PTPRK: variants seen among roughly 807,000 people sequenced by gnomAD.
The protein encoded by PTPRK is receptor-type tyrosine-protein phosphatase kappa.
A neutral mutation model predicts 178.0 loss-of-function variants in PTPRK; 75 were observed. The observed-to-expected ratio is 0.42, with a 90% confidence interval of 0.35 to 0.51. The LOEUF is 0.51. Among genes scored for constraint, PTPRK ranks in the 20% least tolerant of loss-of-function variants. The pLI is 0.02. For missense variants in PTPRK, 1,441 were observed against 1,797.8 expected, an observed-to-expected ratio of 0.80 and a Z score of 3.59; for synonymous variants, 637 against 620.6, an observed-to-expected ratio of 1.03 and a Z score of -0.39.
intron 1 of PTPRK, among the ~76,000 whole-genome samples, chr6:128,417,879 C>T (rs1584618568): frequency 6.6e-6 from 1 of 152,312 alleles, no homozygotes; most frequent in South Asian, 2.1e-4. Flanking sequence ...CAGACACATT[C>T]TTGGCAACCA....
At chr6:128,008,075 C>G (rs1006044812) in intron 14 of PTPRK, 2 of 1,348,108 alleles carry the variant, frequency 1.5e-6, no homozygotes, top group Non-Finnish European at 2.0e-6. Flanking sequence ...TGTGTCTTCT[C>G]CAACATATAT....
At chr6:128,048,180 T>C (rs1309160241) in intron 13 of PTPRK, among the ~76,000 whole-genome samples, 1 of 152,212 alleles carries the variant, frequency 6.6e-6, no homozygotes, top group Admixed American at 6.5e-5. Flanking sequence ...CTTAGACCAG[T>C]TGTTGACCTG....
rs143023867 is a variant in PTPRK, at chr6:128,125,577, C to CT, written c.1163-35586dup. 6.0e-3 allele frequency among the ~76,000 whole-genome samples: 843 copies of CT among 140,104 alleles called. 8 individuals carry two copies. Among genetic ancestry groups the CT allele is most frequent in the African/African-American group, 0.021 (808 of 37,700 alleles). 91.9% of individuals were successfully genotyped at this position (140,104 alleles called of 152,430 possible). On this transcript the variant is annotated intron_variant, in intron 7 of 29. Transcript: ENST00000368226. The stretch of plus-strand genomic sequence containing the variant: ...TTCTTTATAGCAATGCAAGAACAGA[C>CT]TAATACACTTGCCTTTGGGCTTTTC...
intron 7 of PTPRK, among the ~76,000 whole-genome samples, chr6:128,136,525 C>T (rs760766933): frequency 6.6e-6 from 1 of 152,096 alleles, no homozygotes; most frequent in Non-Finnish European, 1.5e-5. Flanking sequence ...GGGTATATTT[C>T]TTCAACTTTA....
chr6:128,208,647 A>C (rs2128263417), intron 6 of PTPRK, among the ~76,000 whole-genome samples: 1 of 152,314 alleles, frequency 6.6e-6, no homozygotes, highest in Non-Finnish European at 1.5e-5. Flanking sequence ...TTAGTTAAAA[A>C]ACTGTGCTTT....
intron 5 of PTPRK, chr6:128,235,556 C>A: frequency 2.0e-6 from 1 of 507,506 alleles, no homozygotes; most frequent in Non-Finnish European, 4.1e-6. Context: ...TATCCAAGGT[C>A]GCACTTTGGG....
Position 127,981,202 on chromosome 6 carries a change from C to T in PTPRK, c.3625G>A (p.Asp1209Asn), listed in dbSNP as rs769306958. Residue 1209 changes from aspartate (D) to asparagine (N), a missense_variant, in exon 25 of 30, where the codon GAC (aspartate) becomes AAC (asparagine). Physicochemically the swap from Asp to Asn is conservative, Grantham distance 23. Transcript: ENST00000368226. ...PRNHDKNRFM[D>N]MLPPDRCLPF... ...AGACATCTGTCAGGTGGCAGCATGT[C>T]CATGAAACGGTTCTTGTCATGGTTC... The T allele has an allele frequency of 6.2e-7, 1 of 1,613,940 alleles. No individual in the cohort carries two copies. The highest frequency in any genetic ancestry group is 8.5e-7 in the Non-Finnish European group (1 of 1,179,940).
intron 7 of PTPRK, among the ~76,000 whole-genome samples, chr6:128,093,596 CAAAAAAAAAAAAA>C (rs1172145765): frequency 0.012 from 73 of 6,274 alleles, no homozygotes; most frequent in African/African-American, 0.037. Context: ...GACTCTCTCT[CAAAAAAAAAAAAA>C]AAAAAAAAAA....
At chr6:128,080,331 G>C (rs1345392357) in intron 10 of PTPRK, among the ~76,000 whole-genome samples, 1 of 151,998 alleles carries the variant, frequency 6.6e-6, no homozygotes, top group East Asian at 1.9e-4. Flanking sequence ...TGGATCTTTA[G>C]ACTTCATCCC....
intron 5 of PTPRK, among the ~76,000 whole-genome samples, chr6:128,221,291 G>A (rs1056561371): frequency 3.9e-5 from 6 of 152,066 alleles, no homozygotes; most frequent in African/African-American, 1.2e-4. Context: ...TTGTGAGGCC[G>A]AGGCGGCTGG....
chr6:128,114,319 T>A (rs1791140350), intron 7 of PTPRK, among the ~76,000 whole-genome samples: 1 of 151,822 alleles, frequency 6.6e-6, no homozygotes, highest in African/African-American at 2.4e-5. Flanking sequence ...AGTGCCACAC[T>A]TTAAAAGCAT....
At chr6:128,500,276 G>C (rs1026322469) in intron 1 of PTPRK, among the ~76,000 whole-genome samples, 10 of 152,000 alleles carry the variant, frequency 6.6e-5, no homozygotes, top group Admixed American at 3.9e-4. Context: ...TTGAAATAGA[G>C]AGTAATACAA....
At chr6:128,242,855 A>G (rs538496809) in intron 3 of PTPRK, among the ~76,000 whole-genome samples, 1 of 152,360 alleles carries the variant, frequency 6.6e-6, no homozygotes, top group Non-Finnish European at 1.5e-5. Flanking sequence ...AAGTATTGTT[A>G]TATATCCTGA....
intron 7 of PTPRK, among the ~76,000 whole-genome samples, chr6:128,093,516 AC>A: frequency 7.2e-6 from 1 of 138,888 alleles, no homozygotes; most frequent in East Asian, 2.2e-4. Context: ...AATCACTTGA[AC>A]CCTGGAGGCA....
At chr6:128,332,723 A>G (rs892594973) in intron 2 of PTPRK, among the ~76,000 whole-genome samples, 17 of 152,062 alleles carry the variant, frequency 1.1e-4, no homozygotes, top group African/African-American at 3.9e-4. Context: ...TCACAACTCT[A>G]CCTATCCCTT....
At chr6:127,987,931 A>G (rs145074390) in intron 21 of PTPRK, among the ~76,000 whole-genome samples, 25 of 152,242 alleles carry the variant, frequency 1.6e-4, no homozygotes, top group East Asian at 1.4e-3. Flanking sequence ...TACTATAAAT[A>G]TTTTGAAAAT....
At chr6:128,039,743 T>C (rs1481998261) in intron 13 of PTPRK, among the ~76,000 whole-genome samples, 1 of 152,172 alleles carries the variant, frequency 6.6e-6, no homozygotes, top group Non-Finnish European at 1.5e-5. Context: ...CCAATGTCTA[T>C]TTTTATCCCA....
intron 2 of PTPRK, among the ~76,000 whole-genome samples, chr6:128,354,303 T>C (rs1235842731): frequency 7.6e-6 from 1 of 131,892 alleles, no homozygotes; most frequent in East Asian, 2.7e-4. Context: ...AGTGGCACCA[T>C]CTCGGCTCAC....
chr6:128,393,541 T>C (rs1197985378), intron 2 of PTPRK, among the ~76,000 whole-genome samples: 3 of 152,170 alleles, frequency 2.0e-5, no homozygotes, highest in Non-Finnish European at 4.4e-5. Context: ...AGGAAAATCT[T>C]CTCAAAGCAG....
Sources: gnomAD v4.1 joint callset for allele counts (sites outside exome capture counted in the v4.1 genomes callset) on GRCh38, gnomAD v4.1.1 for gene constraint, MANE v1.5 for transcripts, NCBI Gene and HGNC (gene_info 2026-07-23, HGNC 2026-07-21) for gene names.